The following FAM135B variants were observed in gnomAD, a reference collection of about 807,000 sequenced individuals.
FAM135B encodes protein FAM135B.
Under a neutral mutation model 127.7 loss-of-function variants are expected in FAM135B, and 43 were observed. The observed-to-expected ratio is 0.34, with a 90% confidence interval of 0.26 to 0.43. The LOEUF (loss-of-function observed/expected upper bound fraction) is 0.43. Ranked by LOEUF, FAM135B falls within the 20% of genes least tolerant of loss-of-function variation. FAM135B has a pLI of 1.00. For missense variants in FAM135B, 1,558 were observed against 1,725.6 expected (o/e 0.90, Z 1.72); for synonymous variants, 670 against 665.1 (o/e 1.01, Z -0.11).
At chr8:138,433,491 C>G (rs1031357508) in intron 1 of FAM135B, among the ~76,000 whole-genome samples, 3 of 150,798 alleles carry the variant, frequency 2.0e-5, no homozygotes, top group Non-Finnish European at 4.4e-5. Flanking sequence ...CCACTGCCCT[C>G]CCAGCCTGGA....
intron 1 of FAM135B, among the ~76,000 whole-genome samples, chr8:138,446,866 G>A (rs1316664677): frequency 1.3e-5 from 2 of 151,796 alleles, no homozygotes; most frequent in Non-Finnish European, 2.9e-5. Flanking sequence ...GAGTGAACAG[G>A]CAACCTACAG....
chr8:138,300,218 A>C (rs912893481), intron 3 of FAM135B, among the ~76,000 whole-genome samples: 2 of 151,676 alleles, frequency 1.3e-5, no homozygotes, highest in African/African-American at 4.8e-5. Flanking sequence ...CACATTTCAG[A>C]GGTCCTTATA....
intron 3 of FAM135B, among the ~76,000 whole-genome samples, chr8:138,273,575 G>T (rs2130693388): frequency 6.6e-6 from 1 of 152,288 alleles, no homozygotes; most frequent in African/African-American, 2.4e-5. Flanking sequence ...GGCACTGCCT[G>T]AATGGAGCAT....
intron 1 of FAM135B, among the ~76,000 whole-genome samples, chr8:138,489,499 A>C (rs1815120491): frequency 6.6e-6 from 1 of 152,164 alleles, no homozygotes; most frequent in South Asian, 2.1e-4. Context: ...CCTCCTGTAT[A>C]ATTTACTTTT....
At chr8:138,384,594 C>G (rs916532683) in intron 1 of FAM135B, among the ~76,000 whole-genome samples, 3 of 151,968 alleles carry the variant, frequency 2.0e-5, no homozygotes, top group African/African-American at 7.3e-5. Context: ...ATTGGGTTTT[C>G]TGCCAAGTAA....
intron 7 of FAM135B, among the ~76,000 whole-genome samples, chr8:138,213,781 A>C: frequency 6.6e-6 from 1 of 152,176 alleles, no homozygotes; most frequent in East Asian, 1.9e-4. Flanking sequence ...GTAGAGGGGA[A>C]GCAGCAAGCT....
chr8:138,462,225 T>A (rs1293047474), intron 1 of FAM135B, among the ~76,000 whole-genome samples: 1 of 152,184 alleles, frequency 6.6e-6, no homozygotes, highest in African/African-American at 2.4e-5. Flanking sequence ...ACTTGTTTTC[T>A]TTCTCTTTCT....
intron 1 of FAM135B, among the ~76,000 whole-genome samples, chr8:138,398,945 A>T (rs1832995638): frequency 2.0e-5 from 3 of 152,202 alleles, no homozygotes. Flanking sequence ...ATAACCCTGT[A>T]ATCAGGACTT....
At chr8:138,220,738 C>T (rs1050922092) in intron 7 of FAM135B, among the ~76,000 whole-genome samples, 1 of 152,144 alleles carries the variant, frequency 6.6e-6, no homozygotes, top group Non-Finnish European at 1.5e-5. Flanking sequence ...ATTTCGAGTC[C>T]TGTGTTCATA....
At chr8:138,137,350 C>A in intron 18 of FAM135B, 90 bp from the exon 19 acceptor site, 1 of 752,314 alleles carries the variant, frequency 1.3e-6, no homozygotes, top group Admixed American at 2.0e-5. Context: ...CAGACTTGTC[C>A]TATAGAGAGA....
chr8:138,435,162 G>A (rs375434664), intron 1 of FAM135B, among the ~76,000 whole-genome samples: 9 of 152,220 alleles, frequency 5.9e-5, no homozygotes, highest in African/African-American at 1.7e-4. Context: ...GCCAGACGTC[G>A]TGGCAGGCGC....
rs113330125 is a variant in FAM135B at position 138,141,880 on chromosome 8, G to A, written c.3639-531C>T. Reference sequence around the variant, plus strand: ...GCCATACTGCTACTCACAGGCCCACGTGTTCAATGAATCATTATTCTCAAG... The same window carrying A: ...GCCATACTGCTACTCACAGGCCCACATGTTCAATGAATCATTATTCTCAAG... On this transcript the variant is annotated intron_variant, in intron 16 of 19. Transcript: ENST00000395297. This position sits in a 1 kb window ranked among gnomAD's most constrained non-coding sequence, Gnocchi z 4.7. 7.9e-5 allele frequency among the ~76,000 whole-genome samples: 12 copies of A among 152,184 alleles called. No individual in the cohort carries two copies. In the Middle Eastern group the frequency reaches 0.024, roughly 302 times the overall value.
chr8:138,400,550 C>T (rs189625335), intron 1 of FAM135B, among the ~76,000 whole-genome samples: 43 of 152,250 alleles, frequency 2.8e-4, no homozygotes, highest in Non-Finnish European at 5.6e-4. Flanking sequence ...AGAGATGAGT[C>T]AGTGAAAAGT....
chr8:138,247,118 A>G, intron 6 of FAM135B, among the ~76,000 whole-genome samples: 1 of 152,194 alleles, frequency 6.6e-6, no homozygotes. Flanking sequence ...TCATAGGCAG[A>G]AGGGACTTGC....
chr8:138,133,462 C>T (rs1278059895), intron 19 of FAM135B, among the ~76,000 whole-genome samples: 2 of 152,148 alleles, frequency 1.3e-5, no homozygotes, highest in South Asian at 2.1e-4. Flanking sequence ...TTCATATCTC[C>T]CAGCCCTGTG....
chr8:138,471,911 TGAAGA>T (rs1331962337), intron 1 of FAM135B, among the ~76,000 whole-genome samples: 4 of 151,708 alleles, frequency 2.6e-5, no homozygotes, highest in African/African-American at 9.7e-5. Context: ...AAAAAAATAG[TGAAGA>T]GAAGTGATTC....
At chr8:138,470,879 A>G (rs1156865184) in intron 1 of FAM135B, among the ~76,000 whole-genome samples, 1 of 152,168 alleles carries the variant, frequency 6.6e-6, no homozygotes, top group Non-Finnish European at 1.5e-5. Flanking sequence ...CCAATTTCTC[A>G]CTTATTTTAT....
rs546358119 is a variant in FAM135B, at chr8:138,266,710, G to A, written c.158-868C>T. ...CAGGGTTATTGTGGGGGAACAAATGGACGAACTCCTCCAAATTACTTCACA... is the reference window on the plus strand; with the variant it reads ...CAGGGTTATTGTGGGGGAACAAATGAACGAACTCCTCCAAATTACTTCACA... On this transcript the variant is annotated intron_variant, in intron 3 of 19. Coordinates refer to ENST00000395297, the MANE Select transcript of FAM135B (RefSeq NM_015912.4). Among the ~76,000 whole-genome samples, 460 of 146,346 alleles carry A rather than the reference G, an allele frequency of 3.1e-3. 2 individuals carry two copies. Among genetic ancestry groups the A allele is most frequent in the Non-Finnish European group, 5.3e-3 (356 of 66,690 alleles).
chr8:138,227,927 A>G lies in FAM135B; in HGVS notation c.669+15015T>C, dbSNP rs183547834. On this transcript the variant is annotated intron_variant, in intron 7 of 19. Transcript: ENST00000395297. ...AATGAAAAAATAACTGCATATTGTC[A>G]TATGTCTCTGCAGTACATCTTTAAT... Among the ~76,000 whole-genome samples the G allele has an allele frequency of 4.1e-3, 625 of 152,222 alleles. 6 individuals carry two copies. Among genetic ancestry groups the G allele is most frequent in the African/African-American group, 0.014 (577 of 41,540 alleles).
Sources: gnomAD v4.1 joint callset for allele counts (sites outside exome capture counted in the v4.1 genomes callset) on GRCh38, gnomAD v4.1.1 for gene constraint, Gnocchi (gnomAD v3.1) non-coding constraint, MANE v1.5 for transcripts, NCBI Gene and HGNC (gene_info 2026-07-23, HGNC 2026-07-21) for gene names.